Variants in PIP4P1 observed in about 807,000 individuals in gnomAD.
The protein encoded by PIP4P1 is type 1 phosphatidylinositol 4,5-bisphosphate 4-phosphatase.
A neutral mutation model predicts 32.3 loss-of-function variants in PIP4P1; 14 were observed. That is an observed-to-expected ratio of 0.43 (90% CI 0.29 to 0.68). The LOEUF is 0.68. Among genes scored for constraint, PIP4P1 ranks in the 30% least tolerant of loss-of-function variants. PIP4P1 has a pLI of 0.15. For synonymous variants in PIP4P1, 132 were observed against 137.9 expected (o/e 0.96, Z 0.30); for missense variants, 289 against 364.5 (o/e 0.79, Z 1.69).
Position 20,461,335 on chromosome 14 carries a change from C to T in PIP4P1, c.-10G>A, listed in dbSNP as rs1313576608. ...CTCCATCTGCCGCCATGGCCGCCAC[C>T]GCCGCCTCCCGCTCAGGTCGGCGAT... On this transcript the variant is annotated 5_prime_UTR_variant, in exon 1 of 7. Transcript: ENST00000250489. 2 of 1,278,956 alleles carry T rather than the reference C, an allele frequency of 1.6e-6. No individual in the cohort carries two copies. The highest frequency in any genetic ancestry group is 3.3e-5 in the Admixed American group (1 of 30,344). 79.2% of individuals were successfully genotyped at this position (1,278,956 alleles called of 1,614,324 possible).
chr14:20,461,303 G>A lies in PIP4P1; in HGVS notation c.23C>T (p.Ser8Phe). Residue 8 changes from serine to phenylalanine, a missense_variant, in exon 1 of 7, where the codon TCC becomes TTC. This residue lies in a region of PIP4P1 where 108 missense variants were observed against 101.2 expected (regional missense o/e 1.07). Transcript: ENST00000250489. ...GTCGATGGGCTCAGACAGCAGCGGG[G>A]AACGCTCTCCATCTGCCGCCATGGC... Reference protein sequence around the residue: MAADGERSPLLSEPIDGG... With the variant: MAADGERFPLLSEPIDGG... The A allele has an allele frequency of 7.7e-7, 1 of 1,291,198 alleles. No individual in the cohort carries two copies. Among genetic ancestry groups the A allele is most frequent in the Non-Finnish European group, 9.8e-7 (1 of 1,018,538 alleles). 80.0% of individuals were successfully genotyped at this position (1,291,198 alleles called of 1,614,324 possible).
At chr14:20,458,959 A>G in intron 6 of PIP4P1, 1 of 622,530 alleles carries the variant, frequency 1.6e-6, no homozygotes, top group South Asian at 2.1e-5. Flanking sequence ...AAAAATAGCA[A>G]CTCTTAAATT....
rs1881480752 is a variant in PIP4P1 at position 20,457,738 on chromosome 14, T to C, written c.*821A>G. On this transcript the variant is annotated 3_prime_UTR_variant, in exon 7 of 7. Coordinates refer to ENST00000250489, the MANE Select transcript of PIP4P1 (RefSeq NM_144568.4). The stretch of plus-strand genomic sequence containing the variant: ...ACTACTAATGACTTTGTTTGAATTA[T>C]CCACATGAAAATAAAGAGCCATAGT... The C allele has an allele frequency of 5.0e-6, 3 of 604,536 alleles. No individual in the cohort carries two copies. The East Asian group carries it at 8.9e-5, about 18-fold the overall frequency. The allele number at this position is 604,536 out of a possible 1,614,324, so 37.4% of individuals were successfully genotyped here.
rs551670819 is a variant in PIP4P1, at chr14:20,457,859, A to T, written c.*700T>A. 53 of 379,118 alleles carry T rather than the reference A, an allele frequency of 1.4e-4. No individual in the cohort carries two copies. The highest frequency in any genetic ancestry group is 1.5e-4 in the Non-Finnish European group (30 of 199,598). The allele number at this position is 379,118 out of a possible 1,614,324, so 23.5% of individuals were successfully genotyped here. On this transcript the variant is annotated 3_prime_UTR_variant, in exon 7 of 7. Transcript: ENST00000250489. ...CACAAGTTAACAACTGAAAAAGCGT[A>T]GAGTCATGACCTTATTTATTTACAA...
In PIP4P1 at chr14:20,457,724, CT is replaced by C; in HGVS notation, c.*834del. The C allele has an allele frequency of 1.6e-6, 1 of 638,222 alleles. No homozygotes were observed. The highest frequency in any genetic ancestry group is 2.7e-6 in the Non-Finnish European group (1 of 375,940). 39.5% of individuals were successfully genotyped at this position (638,222 alleles called of 1,614,324 possible). On this transcript the variant is annotated 3_prime_UTR_variant, in exon 7 of 7. Coordinates refer to ENST00000250489, the MANE Select transcript of PIP4P1 (RefSeq NM_144568.4). ...AAAATTGAACAAAGACTACTAATGA[CT>C]TTGTTTGAATTATCCACATGAAAAT... is the stretch of plus-strand genomic sequence containing the variant.
intron 4 of PIP4P1, 29 bp downstream of exon 4, chr14:20,459,599 C>T (rs1413760354): frequency 6.3e-7 from 1 of 1,597,192 alleles, no homozygotes; most frequent in Admixed American, 1.7e-5. Flanking sequence ...GTCTCCTTTC[C>T]CCTCCCCTTC....
In PIP4P1 at chr14:20,458,432, G is replaced by C; in HGVS notation, c.*127C>G. On this transcript the variant is annotated 3_prime_UTR_variant, in exon 7 of 7. Coordinates refer to ENST00000250489, the MANE Select transcript of PIP4P1 (RefSeq NM_144568.4). ...CCTGGTTCCTTCCTACCTCTCCCCAGGGAAAAGGAAGGCAGCTGCTTGGCT... is the reference window on the plus strand; with the variant it reads ...CCTGGTTCCTTCCTACCTCTCCCCACGGAAAAGGAAGGCAGCTGCTTGGCT... 1 of 1,396,188 alleles carries C rather than the reference G, an allele frequency of 7.2e-7. No homozygotes were observed. The highest frequency in any genetic ancestry group is 2.4e-5 in the East Asian group (1 of 41,182). The allele number at this position is 1,396,188 out of a possible 1,614,324, so 86.5% of individuals were successfully genotyped here.
intron 2 of PIP4P1, 158 bp downstream of exon 2, chr14:20,460,497 G>C: frequency 1.2e-6 from 1 of 815,218 alleles, no homozygotes; most frequent in South Asian, 1.8e-5. Context: ...GCTTTGGTGA[G>C]TGGCTTCTGG....
chr14:20,460,828 C>A lies in PIP4P1; in HGVS notation c.160G>T (p.Glu54Ter). The A allele has an allele frequency of 6.4e-7, 1 of 1,556,472 alleles. No individual in the cohort carries two copies. Among genetic ancestry groups the A allele is most frequent in the East Asian group, 2.3e-5 (1 of 43,188 alleles). The change falls in exon 2 of 7, where the codon GAG (glutamate) becomes TAG (stop). Residue 54 changes from glutamate (E) to a stop codon, truncating the protein, a stop_gained. Coordinates refer to ENST00000250489, the MANE Select transcript of PIP4P1 (RefSeq NM_144568.4). LOFTEE classifies it high-confidence loss of function. ...PYGAAFPPFP[E>*]GHPAVLPGED... ...CCAGGCAACACGGCTGGATGCCCCTCGGGAAACGGGGGAAATGCTGGAGAG... is the reference window on the plus strand; with the variant it reads ...CCAGGCAACACGGCTGGATGCCCCTAGGGAAACGGGGGAAATGCTGGAGAG...
rs1049498 is a variant in PIP4P1, at chr14:20,457,693, T to A, written c.*866A>T. 24 of 777,822 alleles carry A rather than the reference T, an allele frequency of 3.1e-5. No individual in the cohort carries two copies. Among genetic ancestry groups the A allele is most frequent in the East Asian group, 5.4e-5 (2 of 36,858 alleles). The allele number at this position is 777,822 out of a possible 1,614,324, so 48.2% of individuals were successfully genotyped here. ...TTTTATTTGAGGGTTTTTTGTTTTTTAAAAAAAAATTGAACAAAGACTACT... is the reference window on the plus strand; with the variant it reads ...TTTTATTTGAGGGTTTTTTGTTTTTAAAAAAAAAATTGAACAAAGACTACT... On this transcript the variant is annotated 3_prime_UTR_variant, in exon 7 of 7. Transcript: ENST00000250489.
intron 6 of PIP4P1, 50 bp from the exon 7 acceptor site, chr14:20,458,752 T>C: frequency 1.9e-6 from 3 of 1,580,634 alleles, no homozygotes; most frequent in Non-Finnish European, 2.6e-6. Context: ...TTAATGTTGG[T>C]CTCCACTACC....
At position 20,458,664 on chromosome 14, in the gene PIP4P1, G is replaced by A; in HGVS notation, c.729C>T (p.Ile243=). The change falls in exon 7 of 7, where the codon ATC becomes ATT. Residue 243 remains isoleucine (I), a synonymous_variant. Transcript: ENST00000250489. ...GGATGACAAATGCCCAGGCTGCATA[G>A]ATGCCTCCATATCGCCGTGCATGCT... The part of the protein sequence containing the change: ...TWKHARRYGG[I]YAAWAFVILL... 1 of 1,614,078 alleles carries A rather than the reference G, an allele frequency of 6.2e-7. No individual in the cohort carries two copies. The highest frequency in any genetic ancestry group is 8.5e-7 in the Non-Finnish European group (1 of 1,179,996).
intron 6 of PIP4P1, 76 bp downstream of exon 6, chr14:20,459,130 A>T: frequency 6.9e-7 from 1 of 1,459,338 alleles, no homozygotes; most frequent in Non-Finnish European, 9.4e-7. Flanking sequence ...ACTTTTTTTT[A>T]GGGTAGCAGT....
chr14:20,461,059 G>T, intron 1 of PIP4P1, 125 bp downstream of exon 1: 1 of 1,283,956 alleles, frequency 7.8e-7, no homozygotes. Context: ...CACAGGTGCA[G>T]CAGTCCCGCA....
Position 20,460,912 on chromosome 14 carries a change from G to T in PIP4P1, c.143-67C>A, listed in dbSNP as rs1045673101. 4.1e-6 allele frequency: 6 copies of T among 1,472,996 alleles called. No homozygotes were observed. In the African/African-American group the frequency reaches 5.8e-5, roughly 14 times the overall value. The allele number at this position is 1,472,996 out of a possible 1,614,324, so 91.2% of individuals were successfully genotyped here. On this transcript the variant is annotated intron_variant, in intron 1 of 6. Transcript: ENST00000250489. ...CCCACTGATGCTCCACGGTGGTAGG[G>T]AAGTCCTTCTGATCTTCAACCCTCT...
rs754678894 is a variant in PIP4P1, at chr14:20,461,336, G to A, written c.-11C>T. Reference sequence around the variant, plus strand: ...TCCATCTGCCGCCATGGCCGCCACCGCCGCCTCCCGCTCAGGTCGGCGATC... The same window carrying A: ...TCCATCTGCCGCCATGGCCGCCACCACCGCCTCCCGCTCAGGTCGGCGATC... On this transcript the variant is annotated 5_prime_UTR_variant, in exon 1 of 7. Transcript: ENST00000250489. 15 of 1,278,880 alleles carry A rather than the reference G, an allele frequency of 1.2e-5. No individual in the cohort carries two copies. The highest frequency in any genetic ancestry group is 1.4e-5 in the Non-Finnish European group (14 of 1,013,322). The allele number at this position is 1,278,880 out of a possible 1,614,324, so 79.2% of individuals were successfully genotyped here. A position where few individuals can be genotyped will look rare whatever the true frequency, so the allele number is the denominator to read the frequency against.
intron 4 of PIP4P1, 38 bp from the exon 5 acceptor site, chr14:20,459,478 G>C: frequency 6.2e-7 from 1 of 1,613,308 alleles, no homozygotes; most frequent in Non-Finnish European, 8.5e-7. Flanking sequence ...GCACAAGCAG[G>C]GTCTCCCTCA....
intron 2 of PIP4P1, 95 bp downstream of exon 2, chr14:20,460,560 A>G: frequency 7.5e-7 from 1 of 1,342,280 alleles, no homozygotes; most frequent in Non-Finnish European, 1.0e-6. Flanking sequence ...CATCAAAAGC[A>G]CTTGGCTAAT....
chr14:20,460,142 T>G lies in PIP4P1; in HGVS notation c.440+50A>C. 2.1e-6 allele frequency: 3 copies of G among 1,401,138 alleles called. No homozygotes were observed. The Admixed American group carries it at 5.0e-5, about 23-fold the overall frequency. 86.8% of individuals were successfully genotyped at this position (1,401,138 alleles called of 1,614,324 possible). A position where few individuals can be genotyped will look rare whatever the true frequency, so the allele number is the denominator to read the frequency against. On this transcript the variant is annotated intron_variant, in intron 3 of 6. Coordinates refer to ENST00000250489, the MANE Select transcript of PIP4P1 (RefSeq NM_144568.4). ...ATTCTCTGTATACGCTCATCCTTTT[T>G]TGACTTTCCAGTTCCCCACTTAGGC...
Sources: allele counts gnomAD v4.1 joint callset, GRCh38; gene constraint gnomAD v4.1.1; regional missense constraint gnomAD v4.1.1; transcripts MANE v1.5; gene names NCBI Gene and HGNC (gene_info 2026-07-23, HGNC 2026-07-21).